TENM4: variants seen among roughly 807,000 people sequenced by gnomAD.
The protein encoded by TENM4 is teneurin-4.
In TENM4, 82 loss-of-function variants were observed where a neutral mutation model predicts 243.3. The ratio of observed to expected loss-of-function variants is 0.34; its 90% confidence interval spans 0.28 to 0.40. TENM4 has a LOEUF of 0.40. TENM4 is among the 10% of genes least tolerant of loss of function. The pLI is 1.00. For missense variants in TENM4, 3,138 were observed against 3,673.3 expected (o/e 0.85, Z 3.77); for synonymous variants, 1,412 against 1,456.3 (o/e 0.97, Z 0.69).
rs1456759687 is a variant in TENM4, at chr11:78,756,981, C to G, written c.2580G>C (p.Gln860His). The G allele has an allele frequency of 1.9e-6, 3 of 1,613,836 alleles. No individual in the cohort carries two copies. The highest frequency in any genetic ancestry group is 2.5e-6 in the Non-Finnish European group (3 of 1,179,888). ...ACAGCGGGTTGATATGGCACAGGGGCTGGAGGCAGCAGTCAGGGTCCATGC... is the reference window on the plus strand; with the variant it reads ...ACAGCGGGTTGATATGGCACAGGGGGTGGAGGCAGCAGTCAGGGTCCATGC... The part of the protein sequence containing the change: ...VDCMDPDCCL[Q>H]PLCHINPLCL... The change falls in exon 19 of 34, where the codon CAG becomes CAC. Residue 860 changes from glutamine (Q) to histidine (H), a missense_variant. Transcript: ENST00000278550.
chr11:78,956,108 G>A (rs920459064), intron 6 of TENM4, among the ~76,000 whole-genome samples: 4 of 152,168 alleles, frequency 2.6e-5, no homozygotes, highest in Non-Finnish European at 4.4e-5. Context: ...TGTGGACGGG[G>A]TGCTGGTGGA....
At chr11:79,103,222 C>T (rs1861278653) in intron 4 of TENM4, among the ~76,000 whole-genome samples, 1 of 152,188 alleles carries the variant, frequency 6.6e-6, no homozygotes, top group African/African-American at 2.4e-5. Flanking sequence ...GGGATGCCCC[C>T]TTGGATGGCT....
intron 27 of TENM4, among the ~76,000 whole-genome samples, chr11:78,704,044 CA>C: frequency 6.8e-6 from 1 of 146,068 alleles, no homozygotes; most frequent in Non-Finnish European, 1.5e-5. Context: ...TACACACACA[CA>C]CACACACACA....
chr11:79,434,502 G>C (rs754512575), intron 1 of TENM4, among the ~76,000 whole-genome samples: 71 of 152,288 alleles, frequency 4.7e-4, no homozygotes, highest in Non-Finnish European at 1.9e-4. Context: ...CTACAACGCT[G>C]AGGAACATAT....
At chr11:79,296,725 G>A (rs35575428) in intron 2 of TENM4, among the ~76,000 whole-genome samples, 22,022 of 152,216 alleles carry the variant, frequency 0.14, 1,943 homozygotes, top group Middle Eastern at 0.29. Context: ...GTATGGCTTT[G>A]GCCCACTCTT....
intron 1 of TENM4, among the ~76,000 whole-genome samples, chr11:79,348,689 A>G (rs929881082): frequency 6.6e-6 from 1 of 152,136 alleles, no homozygotes; most frequent in Non-Finnish European, 1.5e-5. Context: ...TGGGAACCCA[A>G]TTGGCTGGCA....
At chr11:78,867,497 G>A (rs1362743242) in intron 9 of TENM4, among the ~76,000 whole-genome samples, 1 of 152,166 alleles carries the variant, frequency 6.6e-6, no homozygotes, top group Non-Finnish European at 1.5e-5. Context: ...TATGGGAGAG[G>A]GGGAGAGGGA....
At chr11:79,317,393 G>A (rs572958030) in intron 1 of TENM4, among the ~76,000 whole-genome samples, 1 of 152,118 alleles carries the variant, frequency 6.6e-6, no homozygotes. Context: ...TTCTGGGAAG[G>A]GGGGGTCAGG....
chr11:78,897,619 C>A (rs1294879133), intron 7 of TENM4, among the ~76,000 whole-genome samples: 2 of 152,230 alleles, frequency 1.3e-5, no homozygotes, highest in Non-Finnish European at 2.9e-5. Flanking sequence ...AGTCATGGTA[C>A]CTGTCCTCAT....
chr11:78,879,969 T>A (rs1454264031), intron 9 of TENM4, among the ~76,000 whole-genome samples: 1 of 146,494 alleles, frequency 6.8e-6, no homozygotes, highest in East Asian at 2.1e-4. Flanking sequence ...ACAGCGACCA[T>A]CGAGAATGGG....
At chr11:79,319,938 T>G (rs1856860396) in intron 1 of TENM4, among the ~76,000 whole-genome samples, 1 of 152,150 alleles carries the variant, frequency 6.6e-6, no homozygotes, top group African/African-American at 2.4e-5. Context: ...AAGATTTTCT[T>G]ATTAGGTAGA....
intron 1 of TENM4, among the ~76,000 whole-genome samples, chr11:79,376,805 T>C (rs1380510733): frequency 5.3e-5 from 8 of 152,110 alleles, no homozygotes; most frequent in Non-Finnish European, 1.2e-4. Flanking sequence ...CCCCTCCTCC[T>C]TCCTCTCCAC....
chr11:78,880,377 C>A (rs1859399193), intron 9 of TENM4, among the ~76,000 whole-genome samples: 1 of 148,374 alleles, frequency 6.7e-6, no homozygotes, highest in South Asian at 2.1e-4. Flanking sequence ...TGTTTATCTG[C>A]TGACCTTCTC....
At chr11:78,923,693 CTTTTT>C (rs1172776088) in intron 6 of TENM4, among the ~76,000 whole-genome samples, 12 of 53,654 alleles carry the variant, frequency 2.2e-4, no homozygotes, top group South Asian at 1.4e-3. Flanking sequence ...ATGCACCTGG[CTTTTT>C]TTTTTTTTTT....
intron 4 of TENM4, among the ~76,000 whole-genome samples, chr11:79,133,759 C>T (rs1862056794): frequency 6.6e-6 from 1 of 152,238 alleles, no homozygotes; most frequent in Admixed American, 6.5e-5. Context: ...ATGATCATTT[C>T]AATAGATGCA....
At chr11:79,351,234 T>G (rs1369889147) in intron 1 of TENM4, among the ~76,000 whole-genome samples, 1 of 152,198 alleles carries the variant, frequency 6.6e-6, no homozygotes, top group Admixed American at 6.5e-5. Flanking sequence ...TATTTCCTGG[T>G]TTTTCTTCCT....
intron 9 of TENM4, among the ~76,000 whole-genome samples, chr11:78,872,978 G>A (rs1208729717): frequency 1.3e-5 from 2 of 152,164 alleles, no homozygotes; most frequent in East Asian, 3.9e-4. Context: ...GCTTAACGTG[G>A]AGCCTGCCAC....
intron 30 of TENM4, among the ~76,000 whole-genome samples, chr11:78,673,223 A>C (rs1190180195): frequency 6.6e-6 from 1 of 152,148 alleles, no homozygotes; most frequent in East Asian, 1.9e-4. Context: ...TATTTTAATA[A>C]AGAAATATAC....
At chr11:79,191,185 T>C (rs1360247380) in intron 3 of TENM4, among the ~76,000 whole-genome samples, 1 of 94,592 alleles carries the variant, frequency 1.1e-5, no homozygotes, top group African/African-American at 4.4e-5. Flanking sequence ...GGGCCAAAGC[T>C]GGACTGTACT....
Sources: allele counts gnomAD v4.1 joint callset (sites outside exome capture counted in the v4.1 genomes callset), GRCh38; gene constraint gnomAD v4.1.1; transcripts MANE v1.5; gene names NCBI Gene and HGNC (gene_info 2026-07-23, HGNC 2026-07-21).